PGC: variants seen among roughly 807,000 people sequenced by gnomAD.
The protein encoded by PGC is progastricsin, also known as gastricsin.
A neutral mutation model predicts 45.9 loss-of-function variants in PGC; 31 were observed. The observed-to-expected ratio is 0.67, with a 90% CI of 0.51 to 0.91. The LOEUF (loss-of-function observed/expected upper bound fraction) is 0.91, where lower values mean the gene tolerates loss of function less well. Among genes scored for constraint, PGC ranks in the 40% least tolerant of loss-of-function variants. The pLI is 0.00. For synonymous variants in PGC, 192 were observed against 201.8 expected (o/e 0.95, Z 0.41); for missense variants, 477 against 493.2 (o/e 0.97, Z 0.31).
rs372738230 is a variant in PGC at position 41,738,213 on chromosome 6, TGC to T, written c.916-387_916-386del. ...ATGCATATATATATGCATATATATA[TGC>T]ATATATATATGCATATATATATGTA... On this transcript the variant is annotated intron_variant, in intron 7 of 8. Coordinates refer to ENST00000373025, the MANE Select transcript of PGC (RefSeq NM_002630.4). 7.9e-3 allele frequency among the ~76,000 whole-genome samples: 107 copies of T among 13,570 alleles called. 2 individuals are homozygous for T. The highest frequency in any genetic ancestry group is 0.019 in the Non-Finnish European group (64 of 3,380). The allele number at this position is 13,570 out of a possible 152,430, so 8.9% of individuals were successfully genotyped here.
chr6:41,738,168 A>ATATATATACG (rs1771734043), intron 7 of PGC, among the ~76,000 whole-genome samples: 10 of 28,150 alleles, frequency 3.6e-4, no homozygotes, highest in African/African-American at 9.3e-4. Context: ...ATATATATGC[A>ATATATATACG]TATATATATA....
chr6:41,740,764 C>T (rs1771807694), intron 5 of PGC, 154 bp from the exon 6 acceptor site: 2 of 1,445,266 alleles, frequency 1.4e-6, no homozygotes, highest in Non-Finnish European at 1.8e-6. Flanking sequence ...ACTGGGGCTC[C>T]CTGAGGACAG....
intron 1 of PGC, among the ~76,000 whole-genome samples, chr6:41,745,461 A>G (rs1256849986): frequency 6.6e-6 from 1 of 150,746 alleles, no homozygotes; most frequent in African/African-American, 2.4e-5. Context: ...GCTGGTCTTG[A>G]TCTCCTGACC....
At chr6:41,738,133 C>CAT (rs1491118006) in intron 7 of PGC, among the ~76,000 whole-genome samples, 1 of 76,266 alleles carries the variant, frequency 1.3e-5, no homozygotes, top group South Asian at 3.6e-4. Flanking sequence ...CATATATATG[C>CAT]ATATATATAT....
intron 7 of PGC, among the ~76,000 whole-genome samples, chr6:41,738,794 T>G (rs1771767119): frequency 6.6e-6 from 1 of 151,204 alleles, no homozygotes; most frequent in African/African-American, 2.4e-5. Flanking sequence ...TCATCTCTAT[T>G]AAAAATACAA....
chr6:41,738,654 A>G (rs913809938), intron 7 of PGC, among the ~76,000 whole-genome samples: 18 of 150,298 alleles, frequency 1.2e-4, no homozygotes, highest in Middle Eastern at 3.5e-3. Context: ...CAACAACAAC[A>G]ACGACAAAAA....
chr6:41,741,900 CA>C, intron 5 of PGC: 1 of 1,343,864 alleles, frequency 7.4e-7, no homozygotes, highest in Non-Finnish European at 1.0e-6. Context: ...AAGAGGGATA[CA>C]GGTAGAAAAC....
chr6:41,738,167 C>CAT lies in PGC; in HGVS notation c.916-341_916-340dup, dbSNP rs5875768. Among the ~76,000 whole-genome samples the CAT allele has an allele frequency of 7.0e-3, 195 of 27,962 alleles. 11 individuals carry two copies. The South Asian group carries it at 0.18, about 26-fold the overall frequency. 18.3% of individuals were successfully genotyped at this position (27,962 alleles called of 152,430 possible). On this transcript the variant is annotated intron_variant, in intron 7 of 8. Coordinates refer to ENST00000373025, the MANE Select transcript of PGC (RefSeq NM_002630.4). ...ATGCATATATATATACATATATATG[C>CAT]ATATATATATACATATATATATGCA...
chr6:41,742,239 G>A, intron 5 of PGC, 51 bp downstream of exon 5: 1 of 1,537,952 alleles, frequency 6.5e-7, no homozygotes. Context: ...GTCGTCCAGG[G>A]CGGCCGGGGG....
intron 5 of PGC, chr6:41,741,933 C>A (rs973708536): frequency 2.0e-6 from 2 of 1,013,648 alleles, no homozygotes; most frequent in African/African-American, 1.6e-5. Context: ...AGGAAGTGAG[C>A]GAACTGCCCC....
Position 41,744,545 on chromosome 6 carries a change from A to C in PGC, c.211-31T>G. The stretch of plus-strand genomic sequence containing the variant: ...GGCCATGGAGCAAGCTGTTAGTTCC[A>C]GAGGGATCCAGGGGCCCCAGGCTCC... On this transcript the variant is annotated intron_variant, in intron 2 of 8. Coordinates refer to ENST00000373025, the MANE Select transcript of PGC (RefSeq NM_002630.4). This position sits in a 1 kb window ranked among gnomAD's most constrained non-coding sequence, Gnocchi z 4.4. 1 of 1,596,052 alleles carries C rather than the reference A, an allele frequency of 6.3e-7. No homozygotes were observed.
chr6:41,738,146 A>ATATATATACG (rs1561879598), intron 7 of PGC, among the ~76,000 whole-genome samples: 30 of 56,218 alleles, frequency 5.3e-4, no homozygotes, highest in African/African-American at 1.8e-3. Flanking sequence ...ATATATATGC[A>ATATATATACG]TATATATATA....
chr6:41,745,589 G>T (rs1211696127), intron 1 of PGC, among the ~76,000 whole-genome samples: 1 of 135,932 alleles, frequency 7.4e-6, no homozygotes, highest in African/African-American at 2.8e-5. Context: ...CGCTCTTGTT[G>T]CCCAGGCTGG....
chr6:41,740,468 C>G (rs961188446), intron 6 of PGC, 23 bp downstream of exon 6: 5 of 1,594,418 alleles, frequency 3.1e-6, no homozygotes, highest in Non-Finnish European at 4.3e-6. Flanking sequence ...TGCCACATCC[C>G]CAGGGCCCCA....
Position 41,740,603 on chromosome 6 carries a change from C to A in PGC, c.655G>T (p.Gly219Cys). The change falls in exon 6 of 9, where the codon GGC becomes TGC. Residue 219 changes from glycine (G) to cysteine (C), a missense_variant. Coordinates refer to ENST00000373025, the MANE Select transcript of PGC (RefSeq NM_002630.4). ...AAGACAACCGCTCCCCCGCTGGAGCCCTGCTGGCTGCAGGAGAGAAAGGGA... is the reference window on the plus strand; with the variant it reads ...AAGACAACCGCTCCCCCGCTGGAGCACTGCTGGCTGCAGGAGAGAAAGGGA... ...VFSVYLSNQQ[G>C]SSGGAVVFGG... 1 of 1,598,450 alleles carries A rather than the reference C, an allele frequency of 6.3e-7. No individual in the cohort carries two copies. The highest frequency in any genetic ancestry group is 8.5e-7 in the Non-Finnish European group (1 of 1,172,866).
At chr6:41,743,452 C>A (rs1034094284) in intron 3 of PGC, 63 bp from the exon 4 acceptor site, 13 of 1,011,726 alleles carry the variant, frequency 1.3e-5, no homozygotes, top group Non-Finnish European at 6.3e-6. Flanking sequence ...AGCTCTCAGG[C>A]CTGCCGGGTT....
chr6:41,743,966 T>C (rs187676362), intron 3 of PGC, among the ~76,000 whole-genome samples: 1 of 152,300 alleles, frequency 6.6e-6, no homozygotes, highest in African/African-American at 2.4e-5. Flanking sequence ...CCACATCCTA[T>C]ATTGTTCTGT....
In PGC at chr6:41,738,181, TATATATATGC is replaced by T. The variant is rs1771737766; in HGVS notation, c.916-363_916-354del. On this transcript the variant is annotated intron_variant, in intron 7 of 8. Coordinates refer to ENST00000373025, the MANE Select transcript of PGC (RefSeq NM_002630.4). ...ACATATATATGCATATATATATACATATATATATGCATATATATATGCATATATATATGCA... is the reference window on the plus strand; with the variant it reads ...ACATATATATGCATATATATATACATATATATATATGCATATATATATGCA... Among the ~76,000 whole-genome samples the T allele has an allele frequency of 7.3e-5, 3 of 41,360 alleles. No homozygotes were observed. The South Asian group carries it at 2.7e-3, about 37-fold the overall frequency. The allele number at this position is 41,360 out of a possible 152,430, so 27.1% of individuals were successfully genotyped here. A position where few individuals can be genotyped will look rare whatever the true frequency, so the allele number is the denominator to read the frequency against.
At chr6:41,741,975 G>A (rs1473473180) in intron 5 of PGC, 8 of 724,774 alleles carry the variant, frequency 1.1e-5, no homozygotes, top group Non-Finnish European at 1.9e-5. Context: ...CCTGTCCAAG[G>A]GGTGCTGAGA....
Sources: allele counts gnomAD v4.1 joint callset (sites outside exome capture counted in the v4.1 genomes callset), GRCh38; gene constraint gnomAD v4.1.1; non-coding constraint Gnocchi (gnomAD v3.1); transcripts MANE v1.5; gene names NCBI Gene and HGNC (gene_info 2026-07-23, HGNC 2026-07-21).